The following MIA2 variants were observed in gnomAD, a reference collection of about 807,000 sequenced individuals.
The protein encoded by MIA2 is melanoma inhibitory activity protein 2.
Under a neutral mutation model 167.8 loss-of-function variants are expected in MIA2, and 127 were observed. That is an observed-to-expected ratio of 0.76 (90% confidence interval 0.66 to 0.88). The LOEUF is 0.88. Among genes scored for constraint, MIA2 ranks in the 40% least tolerant of loss-of-function variants. The pLI is 0.00. For missense variants in MIA2, 1,690 were observed against 1,624.7 expected (o/e 1.04, Z -0.69); for synonymous variants, 552 against 541.9 (o/e 1.02, Z -0.26).
chr14:39,359,327 C>T (rs1346318859), intron 23 of MIA2, among the ~76,000 whole-genome samples: 2 of 152,182 alleles, frequency 1.3e-5, no homozygotes, highest in East Asian at 3.9e-4. Flanking sequence ...GAGTGAGGCT[C>T]CGTGGGCGTA....
intron 25 of MIA2, among the ~76,000 whole-genome samples, chr14:39,330,754 T>C (rs2068682210): frequency 6.6e-6 from 1 of 152,204 alleles, no homozygotes; most frequent in Admixed American, 6.5e-5. Flanking sequence ...GTTGTTCAGT[T>C]TCCATGTAGC....
At chr14:39,387,233 G>A (rs2075285689) in exon 24 of MIA2, 1 of 374,174 alleles carries the variant, frequency 2.7e-6, no homozygotes, top group South Asian at 7.3e-5. Flanking sequence ...AACCTCAAAA[G>A]GATTCACCCT....
intron 6 of MIA2, among the ~76,000 whole-genome samples, chr14:39,272,037 G>C (rs552656730): frequency 9.2e-5 from 14 of 152,136 alleles, no homozygotes; most frequent in African/African-American, 3.4e-4. Flanking sequence ...ACACCACTTA[G>C]AGGTGGGCGT....
chr14:39,347,950 C>G (rs2073746372), intron 27 of MIA2, among the ~76,000 whole-genome samples, 179 bp downstream of exon 27: 1 of 150,866 alleles, frequency 6.6e-6, no homozygotes, highest in Non-Finnish European at 1.5e-5. Context: ...GTAGCTGGGA[C>G]TACAGGCGTG....
At chr14:39,341,433 A>G (rs1328581126) in intron 25 of MIA2, among the ~76,000 whole-genome samples, 1 of 152,208 alleles carries the variant, frequency 6.6e-6, no homozygotes, top group African/African-American at 2.4e-5. Context: ...CTGGTTATAA[A>G]AGTGAAACCC....
intron 2 of MIA2, among the ~76,000 whole-genome samples, chr14:39,239,072 C>T (rs879902335): frequency 1.3e-5 from 2 of 152,146 alleles, no homozygotes; most frequent in Non-Finnish European, 2.9e-5. Flanking sequence ...ATTACATATG[C>T]ACCAGACCTC....
chr14:39,311,872 C>T (rs1196780660), intron 18 of MIA2, among the ~76,000 whole-genome samples: 1 of 150,738 alleles, frequency 6.6e-6, no homozygotes, highest in South Asian at 2.1e-4. Context: ...CTCTGTCGCC[C>T]AGGCTGGGGT....
intron 10 of MIA2, chr14:39,292,703 A>G: frequency 3.2e-6 from 1 of 316,138 alleles, no homozygotes; most frequent in South Asian, 2.5e-5. Flanking sequence ...CACAAATATC[A>G]GAGGTATGTT....
intron 6 of MIA2, among the ~76,000 whole-genome samples, chr14:39,273,234 G>C (rs1204164632): frequency 7.6e-6 from 1 of 131,844 alleles, no homozygotes; most frequent in Non-Finnish European, 1.6e-5. Context: ...TAGGAGAAAA[G>C]CTTTTTTTTT....
chr14:39,358,224 C>T (rs140353273), intron 23 of MIA2, among the ~76,000 whole-genome samples: 1 of 152,054 alleles, frequency 6.6e-6, no homozygotes, highest in African/African-American at 2.4e-5. Context: ...TCACATAGTC[C>T]CATATTTCTT....
chr14:39,261,655 T>C (rs1372953110), intron 6 of MIA2, among the ~76,000 whole-genome samples: 1 of 152,144 alleles, frequency 6.6e-6, no homozygotes, highest in Non-Finnish European at 1.5e-5. Flanking sequence ...GCACCTGTTG[T>C]TTCCTGACTT....
intron 26 of MIA2, chr14:39,346,857 T>G (rs539637220): frequency 3.4e-6 from 1 of 293,028 alleles, no homozygotes; most frequent in East Asian, 1.3e-4. Context: ...CCACCTGCCT[T>G]GGTCTCCCAA....
chr14:39,341,597 C>G (rs895131934), intron 25 of MIA2, among the ~76,000 whole-genome samples: 1 of 152,028 alleles, frequency 6.6e-6, no homozygotes, highest in Non-Finnish European at 1.5e-5. Flanking sequence ...CCAGTTGTTT[C>G]AATTTTCTTG....
rs2061087930 is a variant in MIA2, at chr14:39,294,087, C to T, written c.2391+16C>T. ...AGTAGCTGAAGTAAGTTGAATTAGTCTAGTAGGTCTGTTGCTTTTGGAAAT... is the reference window on the plus strand; with the variant it reads ...AGTAGCTGAAGTAAGTTGAATTAGTTTAGTAGGTCTGTTGCTTTTGGAAAT... On this transcript the variant is annotated intron_variant, in intron 12 of 28. Coordinates refer to ENST00000640607, the MANE Select transcript of MIA2 (RefSeq NM_001329214.4). The T allele has an allele frequency of 6.5e-7, 1 of 1,544,108 alleles. No homozygotes were observed. The highest frequency in any genetic ancestry group is 8.9e-7 in the Non-Finnish European group (1 of 1,127,956).
chr14:39,339,597 G>T (rs1296481200), intron 25 of MIA2, among the ~76,000 whole-genome samples: 2 of 152,134 alleles, frequency 1.3e-5, no homozygotes, highest in African/African-American at 4.8e-5. Context: ...TTAAAAAGGT[G>T]TAGTTATGTA....
At chr14:39,284,899 C>T (rs986225492) in intron 9 of MIA2, among the ~76,000 whole-genome samples, 4 of 152,086 alleles carry the variant, frequency 2.6e-5, no homozygotes, top group Non-Finnish European at 5.9e-5. Flanking sequence ...ACCCTGCGGT[C>T]TTCCGCAGTG....
At chr14:39,352,399 TC>T (rs1176347826), downstream of MIA2, among the ~76,000 whole-genome samples, 1 of 152,080 alleles carries the variant, frequency 6.6e-6, no homozygotes, top group East Asian at 1.9e-4. Context: ...TTGTTGGAGT[TC>T]ACTCTCAAGT....
At chr14:39,372,823 T>C (rs542504755) in intron 23 of MIA2, among the ~76,000 whole-genome samples, 1 of 152,310 alleles carries the variant, frequency 6.6e-6, no homozygotes, top group Admixed American at 6.5e-5. Context: ...TCTGGAGTAC[T>C]TGGCAGAAAC....
At chr14:39,330,947 G>T in intron 25 of MIA2, among the ~76,000 whole-genome samples, 1 of 152,136 alleles carries the variant, frequency 6.6e-6, no homozygotes, top group East Asian at 1.9e-4. Context: ...TTGATTTGGG[G>T]TGGAGAGTTC....
Sources: gnomAD v4.1 joint callset for allele counts (sites outside exome capture counted in the v4.1 genomes callset) on GRCh38, gnomAD v4.1.1 for gene constraint, MANE v1.5 for transcripts, NCBI Gene and HGNC (gene_info 2026-07-23, HGNC 2026-07-21) for gene names.